The following MKLN1 variants were observed in gnomAD, a reference collection of about 807,000 sequenced individuals.
MKLN1 encodes the protein muskelin 1.
MKLN1 carries 18 observed loss-of-function variants against 99.0 expected under a neutral mutation model. That is an observed-to-expected ratio of 0.18 (90% CI 0.13 to 0.27). The LOEUF (loss-of-function observed/expected upper bound fraction) is 0.27. MKLN1 is among the 10% of genes least tolerant of loss of function. The pLI is 1.00. For missense variants in MKLN1, 621 were observed against 875.9 expected (o/e 0.71, Z 3.67); for synonymous variants, 288 against 293.2 (o/e 0.98, Z 0.18).
At chr7:131,247,240 T>C (rs1456677945) in intron 3 of MKLN1, among the ~76,000 whole-genome samples, 1 of 82,072 alleles carries the variant, frequency 1.2e-5, no homozygotes, top group African/African-American at 3.2e-5. Flanking sequence ...TTTTTCTTTT[T>C]TTTTTTTTTG....
At chr7:131,318,223 T>C (rs1259617281) in intron 3 of MKLN1, among the ~76,000 whole-genome samples, 2 of 152,100 alleles carry the variant, frequency 1.3e-5, no homozygotes, top group Non-Finnish European at 1.5e-5. Flanking sequence ...AAACACTCCT[T>C]AGCAAATGCA....
intron 2 of MKLN1, among the ~76,000 whole-genome samples, chr7:131,160,282 A>G (rs1157060603): frequency 1.3e-5 from 2 of 152,030 alleles, no homozygotes; most frequent in African/African-American, 4.8e-5. Context: ...ATTCCATTGT[A>G]TGAATATACC....
intron 1 of MKLN1, among the ~76,000 whole-genome samples, chr7:131,374,792 T>A (rs1793588116): frequency 6.6e-6 from 1 of 152,124 alleles, no homozygotes; most frequent in Non-Finnish European, 1.5e-5. Flanking sequence ...GTATAAAAAA[T>A]ATATATATTC....
At chr7:131,338,292 C>T (rs892728893) in intron 1 of MKLN1, among the ~76,000 whole-genome samples, 1 of 152,238 alleles carries the variant, frequency 6.6e-6, no homozygotes, top group Non-Finnish European at 1.5e-5. Context: ...GATCTTGACT[C>T]CTCAAGACTT....
intron 1 of MKLN1, among the ~76,000 whole-genome samples, chr7:131,359,614 A>C (rs1342092805): frequency 2.0e-5 from 3 of 151,870 alleles, no homozygotes; most frequent in Non-Finnish European, 4.4e-5. Flanking sequence ...TGCTTCTTGA[A>C]CTTCTGTCAG....
intron 2 of MKLN1, among the ~76,000 whole-genome samples, chr7:131,191,646 G>T (rs1026851844): frequency 6.6e-6 from 1 of 151,940 alleles, no homozygotes; most frequent in African/African-American, 2.4e-5. Context: ...AAAATCTGTG[G>T]CATCTTCATT....
chr7:131,239,872 T>C (rs1053045052), intron 3 of MKLN1, among the ~76,000 whole-genome samples: 4 of 152,014 alleles, frequency 2.6e-5, no homozygotes, highest in Admixed American at 6.5e-5. Context: ...ATTAATAATA[T>C]ATTGTTAACT....
chr7:131,274,165 A>G (rs190703836), intron 3 of MKLN1, among the ~76,000 whole-genome samples: 2 of 152,188 alleles, frequency 1.3e-5, no homozygotes, highest in Non-Finnish European at 1.5e-5. Context: ...GTGCTGAAAC[A>G]TAAGTTGGGG....
At chr7:131,439,186 G>A (rs1360961475) in intron 10 of MKLN1, among the ~76,000 whole-genome samples, 1 of 152,106 alleles carries the variant, frequency 6.6e-6, no homozygotes, top group African/African-American at 2.4e-5. Context: ...AGTTAGGCTG[G>A]TTCTGATCTT....
rs897211579 is a variant in MKLN1, at chr7:131,343,931, A to G, written c.98+15934A>G. ...TCTTTTGATATATCCTTGAATTATGATGGGATATTGGGTTGCCACATGTAA... is the reference window on the plus strand; with the variant it reads ...TCTTTTGATATATCCTTGAATTATGGTGGGATATTGGGTTGCCACATGTAA... On this transcript the variant is annotated intron_variant, in intron 1 of 17. Transcript: ENST00000352689. 1.6e-4 allele frequency among the ~76,000 whole-genome samples: 24 copies of G among 152,250 alleles called. 1 individual carries two copies. The highest frequency in any genetic ancestry group is 5.8e-4 in the African/African-American group (24 of 41,540).
At chr7:131,112,150 G>A (rs1316221150) in intron 1 of MKLN1, among the ~76,000 whole-genome samples, 2 of 152,318 alleles carry the variant, frequency 1.3e-5, no homozygotes, top group East Asian at 1.9e-4. Flanking sequence ...GAAGCCCTTT[G>A]AAAAAGATGT....
At chr7:131,368,369 T>C (rs1584659304) in intron 1 of MKLN1, among the ~76,000 whole-genome samples, 1 of 152,318 alleles carries the variant, frequency 6.6e-6, no homozygotes, top group African/African-American at 2.4e-5. Context: ...GATGGTGTGT[T>C]AGTACGTTCT....
At chr7:131,293,036 G>A (rs1028862437) in intron 3 of MKLN1, among the ~76,000 whole-genome samples, 2 of 152,172 alleles carry the variant, frequency 1.3e-5, no homozygotes, top group African/African-American at 4.8e-5. Flanking sequence ...ACTTACCTCT[G>A]GGCTGGCTTT....
intron 3 of MKLN1, among the ~76,000 whole-genome samples, chr7:131,289,722 A>G (rs572283942): frequency 6.6e-6 from 1 of 152,202 alleles, no homozygotes; most frequent in Admixed American, 6.5e-5. Flanking sequence ...TAAAATCAGT[A>G]TCTACTTCAT....
intron 3 of MKLN1, among the ~76,000 whole-genome samples, chr7:131,318,664 A>C (rs1798714748): frequency 6.6e-6 from 1 of 152,180 alleles, no homozygotes; most frequent in South Asian, 2.1e-4. Flanking sequence ...ATGAATCCAG[A>C]GGTAGTTTTT....
At chr7:131,444,698 T>A (rs1463586971) in intron 11 of MKLN1, among the ~76,000 whole-genome samples, 1 of 149,620 alleles carries the variant, frequency 6.7e-6, no homozygotes, top group Non-Finnish European at 1.5e-5. Context: ...TACAGGTGTG[T>A]ACCACCACAC....
chr7:131,325,969 C>T (rs574425474), upstream of MKLN1, among the ~76,000 whole-genome samples: 3 of 151,350 alleles, frequency 2.0e-5, no homozygotes, highest in South Asian at 4.2e-4. Context: ...CTCTGTTAAA[C>T]AGTTTAGAAG....
intron 1 of MKLN1, among the ~76,000 whole-genome samples, chr7:131,374,861 A>G (rs1427905406): frequency 6.6e-6 from 1 of 152,002 alleles, no homozygotes; most frequent in Non-Finnish European, 1.5e-5. Flanking sequence ...TGCATGCAAT[A>G]TAATGCATGC....
chr7:131,411,811 G>A (rs1794884002), intron 7 of MKLN1, among the ~76,000 whole-genome samples: 1 of 149,944 alleles, frequency 6.7e-6, no homozygotes, highest in South Asian at 2.1e-4. Context: ...GGAGGCTGGG[G>A]TAGGAGAATC....
Sources: allele counts gnomAD v4.1 joint callset (sites outside exome capture counted in the v4.1 genomes callset), GRCh38; gene constraint gnomAD v4.1.1; transcripts MANE v1.5; gene names NCBI Gene and HGNC (gene_info 2026-07-23, HGNC 2026-07-21).